The following PFKM variants were observed in gnomAD, a reference collection of about 807,000 sequenced individuals.
PFKM encodes phosphofructokinase, muscle, also known as ATP-dependent 6-phosphofructokinase, muscle type.
Under a neutral mutation model 95.5 loss-of-function variants are expected in PFKM, and 58 were observed. The ratio of observed to expected loss-of-function variants is 0.61; its 90% confidence interval spans 0.49 to 0.76. PFKM has a LOEUF of 0.76. Ranked by LOEUF, PFKM falls within the 30% of genes least tolerant of loss-of-function variation. The pLI is 0.00. For missense variants in PFKM, 678 were observed against 1,005.4 expected, an observed-to-expected ratio of 0.67 and a Z score of 4.40; for synonymous variants, 336 against 357.2, an observed-to-expected ratio of 0.94 and a Z score of 0.67.
chr12:48,118,905 T>C (rs892402272), upstream of PFKM, among the ~76,000 whole-genome samples: 2 of 152,042 alleles, frequency 1.3e-5, no homozygotes, highest in Admixed American at 6.5e-5. Flanking sequence ...TTTAAACCTC[T>C]CGGCACCTAA....
intron 13 of PFKM, 65 bp from the exon 14 acceptor site, chr12:48,140,657 C>T (rs1950504150): frequency 6.4e-7 from 1 of 1,554,554 alleles, no homozygotes; most frequent in Non-Finnish European, 8.9e-7. Flanking sequence ...CCCTCCTTTA[C>T]TAACCTCCTC....
chr12:48,137,614 G>T, intron 10 of PFKM, 107 bp from the exon 11 acceptor site: 1 of 1,311,804 alleles, frequency 7.6e-7, no homozygotes, highest in South Asian at 1.2e-5. Context: ...TTAATTGTGA[G>T]ACTCAGTCTT....
At chr12:48,140,509 T>G (rs889537202) in intron 13 of PFKM, among the ~76,000 whole-genome samples, 2 of 152,220 alleles carry the variant, frequency 1.3e-5, no homozygotes, top group African/African-American at 4.8e-5. Flanking sequence ...GCAGCTTTAT[T>G]TATTGATCTG....
chr12:48,139,635 G>A (rs1778132546), intron 12 of PFKM: 1 of 639,386 alleles, frequency 1.6e-6, no homozygotes, highest in African/African-American at 1.8e-5. Flanking sequence ...CTTGTGCTGA[G>A]CATAGTGCCT....
Position 48,133,380 on chromosome 12 carries a change from A to G in PFKM, c.493A>G (p.Ile165Val). The change falls in exon 6 of 23, where the codon ATT becomes GTT. Residue 165 changes from isoleucine to valine, a missense_variant. Coordinates refer to ENST00000359794, the MANE Select transcript of PFKM (RefSeq NM_000289.6). ...GAACATTGTGGGCCTGGTTGGGTCA[A>G]TTGACAATGACTTCTGTGGCACCGA... is the stretch of plus-strand genomic sequence containing the variant. ...YLNIVGLVGSIDNDFCGTDMT... is the reference protein window; with the variant it reads ...YLNIVGLVGSVDNDFCGTDMT... 3 of 1,613,974 alleles carry G rather than the reference A, an allele frequency of 1.9e-6. No homozygotes were observed. The highest frequency in any genetic ancestry group is 1.3e-5 in the African/African-American group (1 of 75,032).
intron 3 of PFKM, among the ~76,000 whole-genome samples, chr12:48,112,342 T>C (rs1947265361): frequency 6.6e-6 from 1 of 152,164 alleles, no homozygotes; most frequent in African/African-American, 2.4e-5. Context: ...AAGGAGTTGT[T>C]GTTTTGTAGA....
chr12:48,143,524 C>T (rs1950760803), intron 18 of PFKM, among the ~76,000 whole-genome samples: 1 of 152,200 alleles, frequency 6.6e-6, no homozygotes, highest in African/African-American at 2.4e-5. Context: ...ACAGTTACTG[C>T]AGCTGTCTGT....
intron 14 of PFKM, 97 bp from the exon 15 acceptor site, chr12:48,141,214 T>C (rs1950551586): frequency 1.7e-6 from 2 of 1,161,658 alleles, no homozygotes; most frequent in African/African-American, 3.0e-5. Context: ...CCAAGGGGGA[T>C]CCAGGGGTAG....
intron 14 of PFKM, among the ~76,000 whole-genome samples, 153 bp from the exon 15 acceptor site, chr12:48,141,158 A>C (rs1950547027): frequency 6.6e-6 from 1 of 152,202 alleles, no homozygotes; most frequent in African/African-American, 2.4e-5. Context: ...GGGTAGAAGA[A>C]GTTGAGTGCG....
chr12:48,141,217 A>C (rs1422191478), intron 14 of PFKM, 94 bp from the exon 15 acceptor site: 2 of 1,182,738 alleles, frequency 1.7e-6, no homozygotes, highest in African/African-American at 3.0e-5. Context: ...AGGGGGATCC[A>C]GGGGTAGGGT....
At chr12:48,132,163 C>T (rs750916136) in intron 4 of PFKM, 14 of 444,974 alleles carry the variant, frequency 3.1e-5, no homozygotes, top group Non-Finnish European at 5.8e-5. Flanking sequence ...GTCATGGCTG[C>T]CCAGGAGTAC....
Position 48,119,377 on chromosome 12 carries a change from G to C in PFKM, c.-38G>C. On this transcript the variant is annotated 5_prime_UTR_variant, in exon 1 of 23. Transcript: ENST00000359794. ...TTTCCCAAGGACAATCTGCAAGAAA[G>C]CAGCGGCGGAGGAGAGCTAAGACTA... 6.1e-6 allele frequency: 6 copies of C among 985,836 alleles called. No individual in the cohort carries two copies. Among genetic ancestry groups the C allele is most frequent in the Non-Finnish European group, 7.2e-6 (6 of 830,182 alleles). The allele number at this position is 985,836 out of a possible 1,614,324, so 61.1% of individuals were successfully genotyped here.
intron 12 of PFKM, 55 bp downstream of exon 12, chr12:48,139,404 C>A: frequency 7.5e-7 from 1 of 1,335,968 alleles, no homozygotes; most frequent in Non-Finnish European, 1.1e-6. Context: ...GTGAACGAAG[C>A]CAAAGATCTC....
chr12:48,114,246 T>C (rs1323483009), intron 3 of PFKM, among the ~76,000 whole-genome samples: 1 of 152,174 alleles, frequency 6.6e-6, no homozygotes, highest in Non-Finnish European at 1.5e-5. Flanking sequence ...GATTAAATTG[T>C]AGGACAGAGC....
intron 15 of PFKM, 32 bp from the exon 16 acceptor site, chr12:48,141,708 C>G: frequency 8.7e-6 from 13 of 1,496,102 alleles, no homozygotes; most frequent in Non-Finnish European, 1.2e-5. Flanking sequence ...TTCCAATTCC[C>G]CTTCCCCTCC....
At chr12:48,144,928 T>C in intron 20 of PFKM, 103 bp from the exon 21 acceptor site, 2 of 841,992 alleles carry the variant, frequency 2.4e-6, no homozygotes, top group Non-Finnish European at 3.9e-6. Flanking sequence ...TGTTTTGGGC[T>C]GTAAGCCTGG....
At chr12:48,105,354 G>C, upstream of PFKM, 1 of 518,574 alleles carries the variant, frequency 1.9e-6, no homozygotes, top group South Asian at 1.4e-5. Context: ...CATAGATCCA[G>C]AGATCACGTT....
intron 6 of PFKM, among the ~76,000 whole-genome samples, chr12:48,133,729 A>T (rs1176204877): frequency 6.6e-6 from 1 of 152,156 alleles, no homozygotes; most frequent in Non-Finnish European, 1.5e-5. Context: ...GAGGTCTTTC[A>T]TATCATTGGG....
At chr12:48,116,116 C>G (rs943678735), upstream of PFKM, among the ~76,000 whole-genome samples, 5 of 147,422 alleles carry the variant, frequency 3.4e-5, no homozygotes, top group South Asian at 6.9e-4. Flanking sequence ...TCCTTTCCCC[C>G]CTTCCCTCCC....
Sources: allele counts gnomAD v4.1 joint callset (sites outside exome capture counted in the v4.1 genomes callset), GRCh38; gene constraint gnomAD v4.1.1; transcripts MANE v1.5; gene names NCBI Gene and HGNC (gene_info 2026-07-23, HGNC 2026-07-21).